Variants in ASAP2 observed in about 807,000 individuals in gnomAD.
ASAP2 encodes arf-GAP with SH3 domain, ANK repeat and PH domain-containing protein 2.
Under a neutral mutation model 131.4 loss-of-function variants are expected in ASAP2, and 45 were observed. That is an observed-to-expected ratio of 0.34 (90% CI 0.27 to 0.44). The LOEUF (loss-of-function observed/expected upper bound fraction) is 0.44. Ranked by LOEUF, ASAP2 falls within the 20% of genes least tolerant of loss-of-function variation. The pLI, the probability that ASAP2 is intolerant of heterozygous loss-of-function variation, is 1.00. For synonymous variants in ASAP2, 510 were observed against 503.0 expected, an observed-to-expected ratio of 1.01 and a Z score of -0.19; for missense variants, 1,011 against 1,297.0, an observed-to-expected ratio of 0.78 and a Z score of 3.39.
chr2:9,210,167 A>G (rs1001246598), intron 1 of ASAP2, among the ~76,000 whole-genome samples: 6 of 152,218 alleles, frequency 3.9e-5, no homozygotes, highest in African/African-American at 1.4e-4. Flanking sequence ...CTGTTTTCAG[A>G]AACCATGCTG....
intron 15 of ASAP2, among the ~76,000 whole-genome samples, chr2:9,362,562 G>C (rs1051956165): frequency 6.6e-6 from 1 of 152,130 alleles, no homozygotes; most frequent in Non-Finnish European, 1.5e-5. Flanking sequence ...TCTTGAGCCT[G>C]GTGTGGTGGC....
chr2:9,380,844 T>A, intron 20 of ASAP2, 36 bp downstream of exon 20: 1 of 1,604,820 alleles, frequency 6.2e-7, no homozygotes, highest in Non-Finnish European at 8.5e-7. Flanking sequence ...GTGGGGCACC[T>A]GTCACGGGAC....
chr2:9,394,938 C>T (rs1461655214), intron 24 of ASAP2, among the ~76,000 whole-genome samples: 6 of 152,300 alleles, frequency 3.9e-5, no homozygotes. Context: ...TGGTAGCTGA[C>T]GCTGCCTGTC....
At chr2:9,231,623 C>G (rs1663170079) in intron 1 of ASAP2, among the ~76,000 whole-genome samples, 1 of 152,202 alleles carries the variant, frequency 6.6e-6, no homozygotes, top group Non-Finnish European at 1.5e-5. Flanking sequence ...TGTCAGAGGG[C>G]CCTGTTCTTG....
rs182126327 is a variant in ASAP2 at position 9,403,458 on chromosome 2, T to C, written c.*131T>C. On this transcript the variant is annotated 3_prime_UTR_variant, in exon 28 of 28. Coordinates refer to ENST00000281419, the MANE Select transcript of ASAP2 (RefSeq NM_003887.3). ...GTTCTCTAATGCCACTGCTCTGTTT[T>C]AAAAACTCAGAGGCAATTTTTACAT... 5.0e-6 allele frequency: 4 copies of C among 792,668 alleles called. No individual in the cohort carries two copies. The Admixed American group carries it at 1.3e-4, about 26-fold the overall frequency. 49.1% of individuals were successfully genotyped at this position (792,668 alleles called of 1,614,324 possible).
intron 8 of ASAP2, 113 bp from the exon 9 acceptor site, chr2:9,334,980 G>A: frequency 7.4e-7 from 1 of 1,355,962 alleles, no homozygotes; most frequent in South Asian, 1.2e-5. Context: ...GGTTTGACCA[G>A]CGAGGGAGGC....
chr2:9,393,627 G>T lies in ASAP2; in HGVS notation c.2664G>T (p.Pro888=), dbSNP rs1355623552. ...PLPPQPPSRL[P]QKKPAPGADK... ...CCCCACAGCCGCCCAGCCGCCTCCCGCAGAAGAAGCCTGCGCCGGGGTAAG... is the reference window on the plus strand; with the variant it reads ...CCCCACAGCCGCCCAGCCGCCTCCCTCAGAAGAAGCCTGCGCCGGGGTAAG... The change falls in exon 24 of 28, where the codon CCG becomes CCT. Residue 888 remains proline, a synonymous_variant. Transcript: ENST00000281419. 3.2e-6 allele frequency: 5 copies of T among 1,582,332 alleles called. No individual in the cohort carries two copies. Among genetic ancestry groups the T allele is most frequent in the Non-Finnish European group, 4.3e-6 (5 of 1,167,562 alleles).
chr2:9,248,218 G>C (rs1036752967), intron 1 of ASAP2, among the ~76,000 whole-genome samples: 1 of 152,224 alleles, frequency 6.6e-6, no homozygotes, highest in African/African-American at 2.4e-5. Context: ...CGGAGGCCAC[G>C]CAGGCCTGTG....
intron 7 of ASAP2, among the ~76,000 whole-genome samples, chr2:9,330,162 C>T (rs558064071): frequency 1.3e-5 from 2 of 152,250 alleles, no homozygotes; most frequent in South Asian, 2.1e-4. Context: ...TTCTAAAGCA[C>T]TTGAGGTCAG....
At chr2:9,335,261 C>T in intron 9 of ASAP2, 82 bp downstream of exon 9, 1 of 1,215,242 alleles carries the variant, frequency 8.2e-7, no homozygotes, top group Non-Finnish European at 1.2e-6. Flanking sequence ...AAGTTCATGT[C>T]TTCTAGGAGC....
intron 1 of ASAP2, among the ~76,000 whole-genome samples, chr2:9,212,743 C>G (rs940550413): frequency 2.0e-5 from 3 of 152,218 alleles, no homozygotes; most frequent in Admixed American, 6.5e-5. Flanking sequence ...TCAGTAGCCA[C>G]ACGTGGCTGG....
chr2:9,208,797 T>C (rs1177013876), intron 1 of ASAP2, among the ~76,000 whole-genome samples: 1 of 152,218 alleles, frequency 6.6e-6, no homozygotes, highest in Admixed American at 6.5e-5. Flanking sequence ...CCATTAATAA[T>C]GTTTATGGAA....
chr2:9,313,438 C>T (rs557296770), intron 3 of ASAP2, among the ~76,000 whole-genome samples: 1 of 152,292 alleles, frequency 6.6e-6, no homozygotes, highest in African/African-American at 2.4e-5. Context: ...TGTGTGTACT[C>T]CCGCTTCATG....
chr2:9,353,566 A>C (rs1672491505), intron 12 of ASAP2, among the ~76,000 whole-genome samples: 2 of 145,332 alleles, frequency 1.4e-5, no homozygotes, highest in African/African-American at 2.7e-5. Context: ...AAAAAAAAAA[A>C]GACATTTGGG....
intron 24 of ASAP2, among the ~76,000 whole-genome samples, chr2:9,395,594 C>CTTTTTTTCTTT (rs1676063940): frequency 3.4e-5 from 2 of 59,048 alleles, no homozygotes; most frequent in African/African-American, 1.1e-4. Flanking sequence ...TGTTTTTTTT[C>CTTTTTTTCTTT]TTTTTTTTTT....
At chr2:9,316,312 G>GA (rs551734659) in intron 3 of ASAP2, among the ~76,000 whole-genome samples, 422 of 151,158 alleles carry the variant, frequency 2.8e-3, no homozygotes, top group Admixed American at 6.0e-3. Flanking sequence ...CAAAAAAAAA[G>GA]AAAAAAAAAT....
chr2:9,374,727 T>C, intron 16 of ASAP2, 28 bp from the exon 17 acceptor site: 1 of 1,564,510 alleles, frequency 6.4e-7, no homozygotes, highest in South Asian at 1.2e-5. Flanking sequence ...CCCTTCATGA[T>C]TTGCAAGGCA....
At chr2:9,356,723 A>G (rs1251394728) in intron 14 of ASAP2, among the ~76,000 whole-genome samples, 1 of 152,044 alleles carries the variant, frequency 6.6e-6, no homozygotes, top group African/African-American at 2.4e-5. Context: ...CCTTTATCCT[A>G]CTTTGCAGAA....
chr2:9,350,045 T>C (rs1185245043), intron 11 of ASAP2, among the ~76,000 whole-genome samples: 1 of 152,244 alleles, frequency 6.6e-6, no homozygotes, highest in Non-Finnish European at 1.5e-5. Context: ...CTAAGAGGTA[T>C]TCTGCTGTTC....
Sources: gnomAD v4.1 joint callset for allele counts (sites outside exome capture counted in the v4.1 genomes callset) on GRCh38, gnomAD v4.1.1 for gene constraint, MANE v1.5 for transcripts, NCBI Gene and HGNC (gene_info 2026-07-23, HGNC 2026-07-21) for gene names.